Variants in HERC5 observed in about 807,000 individuals in gnomAD.
The protein encoded by HERC5 is E3 ISG15--protein ligase HERC5.
Under a neutral mutation model 119.6 loss-of-function variants are expected in HERC5, and 99 were observed. The ratio of observed to expected loss-of-function variants is 0.83; its 90% CI spans 0.70 to 0.98. The LOEUF is 0.98. HERC5 is among the 50% of genes least tolerant of loss of function. The pLI is 0.00. For synonymous variants in HERC5, 478 were observed against 445.9 expected (o/e 1.07, Z -0.91); for missense variants, 1,267 against 1,241.3 (o/e 1.02, Z -0.31).
chr4:88,494,648 G>GTCA (rs2149106197), intron 18 of HERC5, among the ~76,000 whole-genome samples: 1 of 152,298 alleles, frequency 6.6e-6, no homozygotes, highest in Admixed American at 6.5e-5. Flanking sequence ...GTTGTTTCAT[G>GTCA]TCATCACCTT....
Position 88,493,094 on chromosome 4 carries a change from A to G in HERC5, c.2216A>G (p.Gln739Arg). 6.2e-7 allele frequency: 1 copy of G among 1,614,128 alleles called. No homozygotes were observed. The highest frequency in any genetic ancestry group is 8.5e-7 in the Non-Finnish European group (1 of 1,179,992). The change falls in exon 17 of 23, where the codon CAG (glutamine) becomes CGG (arginine). Residue 739 changes from glutamine (Q) to arginine (R), a missense_variant. This residue lies in a region of HERC5 where 473 missense variants were observed against 445.7 expected (regional missense o/e 1.06). Coordinates refer to ENST00000264350, the MANE Select transcript of HERC5 (RefSeq NM_016323.4). ...TACTGTCTGTTTGCAGAGATGATCCAGCCGGAATATGGGATGTTCATGTAT... is the reference window on the plus strand; with the variant it reads ...TACTGTCTGTTTGCAGAGATGATCCGGCCGGAATATGGGATGTTCATGTAT... ...FFYCLFAEMI[Q>R]PEYGMFMYPE...
Position 88,493,126 on chromosome 4 carries a change from G to T in HERC5, c.2248G>T (p.Gly750Trp), listed in dbSNP as rs138084118. 25 of 1,613,834 alleles carry T rather than the reference G, an allele frequency of 1.5e-5. No homozygotes were observed. Among genetic ancestry groups the T allele is most frequent in the Non-Finnish European group, 1.9e-5 (23 of 1,179,932 alleles). ...PEYGMFMYPE[G>W]ASCMWFPVKP... ...ATATGGGATGTTCATGTATCCTGAA[G>T]GGGCTTCCTGCATGTGGTTTCCTGT... is the stretch of plus-strand genomic sequence containing the variant. The change falls in exon 17 of 23, where the codon GGG (glycine) becomes TGG (tryptophan). Residue 750 changes from glycine to tryptophan, a missense_variant. By Grantham distance (184) the Gly-to-Trp change is radical. Around this residue, in one of 3 missense-constraint regions of HERC5, gnomAD observed 473 missense variants for 445.7 expected, o/e 1.06. Transcript: ENST00000264350.
At chr4:88,469,337 A>G (rs1206097276) in intron 9 of HERC5, 77 bp downstream of exon 9, 10 of 967,784 alleles carry the variant, frequency 1.0e-5, no homozygotes, top group Non-Finnish European at 1.6e-5. Flanking sequence ...GCACAGCAAT[A>G]TGAGATTTTG....
At chr4:88,478,555 T>C (rs1341026179) in intron 12 of HERC5, among the ~76,000 whole-genome samples, 1 of 152,054 alleles carries the variant, frequency 6.6e-6, no homozygotes. Flanking sequence ...TAATAACATA[T>C]CGTATTAGGG....
intron 20 of HERC5, 84 bp downstream of exon 20, chr4:88,501,069 A>T: frequency 1.1e-6 from 1 of 871,916 alleles, no homozygotes; most frequent in Admixed American, 2.6e-5. Context: ...TAGCTCTTTA[A>T]TTTTTCATTC....
chr4:88,467,326 G>T, intron 7 of HERC5, 122 bp downstream of exon 7: 1 of 977,404 alleles, frequency 1.0e-6, no homozygotes, highest in Non-Finnish European at 1.5e-6. Flanking sequence ...CTAAATACTG[G>T]TTTCATTTTT....
At chr4:88,464,571 T>C (rs1202684071) in intron 6 of HERC5, among the ~76,000 whole-genome samples, 7 of 151,786 alleles carry the variant, frequency 4.6e-5, no homozygotes, top group African/African-American at 1.7e-4. Context: ...CTTGTTTGTT[T>C]GTTTGTTTGT....
chr4:88,460,021 C>A, intron 2 of HERC5, 74 bp from the exon 3 acceptor site: 2 of 784,928 alleles, frequency 2.5e-6, no homozygotes, highest in African/African-American at 1.8e-5. Flanking sequence ...TAATTAAATA[C>A]TATTAATAGT....
intron 4 of HERC5, among the ~76,000 whole-genome samples, chr4:88,462,908 C>T (rs1740502767): frequency 6.6e-6 from 1 of 152,176 alleles, no homozygotes; most frequent in South Asian, 2.1e-4. Flanking sequence ...TCCCAAACAA[C>T]TCATTAAGAG....
chr4:88,491,373 G>A (rs1256057281), intron 16 of HERC5, among the ~76,000 whole-genome samples: 1 of 152,130 alleles, frequency 6.6e-6, no homozygotes, highest in Non-Finnish European at 1.5e-5. Flanking sequence ...CGTATGGGTG[G>A]TAAACAAAGT....
At chr4:88,465,559 C>T (rs1740632043) in intron 6 of HERC5, among the ~76,000 whole-genome samples, 2 of 152,094 alleles carry the variant, frequency 1.3e-5, no homozygotes, top group African/African-American at 4.8e-5. Flanking sequence ...ATATTTATAC[C>T]TCATTCGGTA....
Position 88,500,895 on chromosome 4 carries a change from G to A in HERC5, c.2512-20G>A. The A allele has an allele frequency of 6.3e-7, 1 of 1,579,248 alleles. No homozygotes were observed. The highest frequency in any genetic ancestry group is 8.7e-7 in the Non-Finnish European group (1 of 1,152,396). ...CAGAATTATGTTGGAGATATTATCT[G>A]AGTTCATTTGCGGTTACAGGTGCAC... On this transcript the variant is annotated intron_variant, in intron 19 of 22. Coordinates refer to ENST00000264350, the MANE Select transcript of HERC5 (RefSeq NM_016323.4).
intron 6 of HERC5, among the ~76,000 whole-genome samples, chr4:88,466,129 C>A (rs1193039551): frequency 6.6e-6 from 1 of 151,612 alleles, no homozygotes; most frequent in African/African-American, 2.4e-5. Flanking sequence ...CTCTGTCACC[C>A]AGGCTGGACT....
intron 14 of HERC5, 86 bp downstream of exon 14, chr4:88,486,314 AAATAGCAGG>A: frequency 1.4e-6 from 1 of 719,404 alleles, no homozygotes; most frequent in Non-Finnish European, 2.4e-6. Context: ...TGCACAATAG[AAATAGCAGG>A]ACTTGTGGGA....
At chr4:88,478,429 A>G (rs770144945) in intron 12 of HERC5, among the ~76,000 whole-genome samples, 5 of 152,068 alleles carry the variant, frequency 3.3e-5, no homozygotes, top group Non-Finnish European at 5.9e-5. Flanking sequence ...AGTGGTTACT[A>G]GTGGATGGGG....
chr4:88,460,342 C>G (rs1740382571), intron 3 of HERC5, among the ~76,000 whole-genome samples, 171 bp downstream of exon 3: 1 of 152,178 alleles, frequency 6.6e-6, no homozygotes, highest in Non-Finnish European at 1.5e-5. Context: ...ATTCTTGGAT[C>G]TGTAAAATGT....
chr4:88,494,966 T>C (rs1009116937), intron 18 of HERC5, among the ~76,000 whole-genome samples: 6 of 152,218 alleles, frequency 3.9e-5, no homozygotes, highest in African/African-American at 7.2e-5. Flanking sequence ...AAAACTTTCA[T>C]TTTAATTTCA....
At chr4:88,478,762 C>CA (rs1192629103) in intron 12 of HERC5, among the ~76,000 whole-genome samples, 1 of 152,020 alleles carries the variant, frequency 6.6e-6, no homozygotes, top group Admixed American at 6.6e-5. Context: ...AGACATGTGC[C>CA]ACCACGCCCT....
intron 13 of HERC5, among the ~76,000 whole-genome samples, chr4:88,480,372 ATGAATATACCATACT>A (rs528052610): frequency 3.3e-5 from 5 of 151,420 alleles, no homozygotes; most frequent in African/African-American, 1.2e-4. Context: ...AGTTCATTGT[ATGAATATACCATACT>A]TAGCTTATCC....
Sources: gnomAD v4.1 joint callset for allele counts (sites outside exome capture counted in the v4.1 genomes callset) on GRCh38, gnomAD v4.1.1 for gene constraint, gnomAD v4.1.1 regional missense constraint, MANE v1.5 for transcripts, NCBI Gene and HGNC (gene_info 2026-07-23, HGNC 2026-07-21) for gene names.